Variants in CELF2 observed in about 807,000 individuals in gnomAD.
CELF2 encodes the protein CUGBP Elav-like family member 2.
A neutral mutation model predicts 62.6 loss-of-function variants in CELF2; 8 were observed. The observed-to-expected ratio is 0.13, with a 90% CI of 0.07 to 0.23. CELF2 has a LOEUF of 0.23. CELF2 is among the 10% of genes least tolerant of loss of function. The pLI, the probability that CELF2 is intolerant of heterozygous loss-of-function variation, is 1.00. For synonymous variants in CELF2, 258 were observed against 250.0 expected (o/e 1.03, Z -0.30); for missense variants, 333 against 671.0 (o/e 0.50, Z 5.56).
At chr10:10,604,081 G>A in the CELF2 span, among the ~76,000 whole-genome samples, 39 of 152,128 alleles carry the variant, frequency 2.6e-4, no homozygotes, top group Non-Finnish European at 2.6e-4. Context: ...ATAGTGGTGG[G>A]TGCCTGTAGT....
At chr10:10,796,377 G>C (rs1312725430), upstream of CELF2, among the ~76,000 whole-genome samples, 1 of 152,102 alleles carries the variant, frequency 6.6e-6, no homozygotes, top group Non-Finnish European at 1.5e-5. Flanking sequence ...ACTTGGGCTT[G>C]GTACAAGATT....
chr10:11,087,738 G>A (rs1011285624), intron 1 of CELF2, among the ~76,000 whole-genome samples: 7 of 152,110 alleles, frequency 4.6e-5, no homozygotes, highest in African/African-American at 7.2e-5. Context: ...CCCACCCTGC[G>A]TTGCTGGATA....
the CELF2 span, among the ~76,000 whole-genome samples, chr10:10,746,401 C>T: frequency 6.6e-6 from 1 of 152,224 alleles, no homozygotes; most frequent in African/African-American, 2.4e-5. Flanking sequence ...TGCTGTCAGC[C>T]TCTTGGAGAG....
intron 2 of CELF2, among the ~76,000 whole-genome samples, chr10:10,991,430 G>A (rs1387388283): frequency 6.6e-6 from 1 of 152,120 alleles, no homozygotes; most frequent in Non-Finnish European, 1.5e-5. Flanking sequence ...AGACAAATGG[G>A]CTGCAGAGAC....
intron 1 of CELF2, among the ~76,000 whole-genome samples, chr10:10,862,565 G>A (rs766217620): frequency 1.3e-5 from 2 of 152,206 alleles, no homozygotes; most frequent in Admixed American, 6.5e-5. Context: ...TTTTGAGCCA[G>A]CCTCAGAAGT....
rs1484603532 is a variant in CELF2, at chr10:11,214,395, G to T, written c.272-3030G>T. Among the ~76,000 whole-genome samples the T allele has an allele frequency of 6.6e-6, 1 of 152,204 alleles. No homozygotes were observed. Among genetic ancestry groups the T allele is most frequent in the Non-Finnish European group, 1.5e-5 (1 of 68,030 alleles). On this transcript the variant is annotated intron_variant, in intron 2 of 12. Transcript: ENST00000633077. This position sits in a 1 kb window ranked among gnomAD's most constrained non-coding sequence, Gnocchi z 4.2. ...TGTGAAAAACCAAAAGAAGCCTCTG[G>T]GGTTAGTATTCCCAGTCTCCTTGTC... is the stretch of plus-strand genomic sequence containing the variant.
intron 1 of CELF2, among the ~76,000 whole-genome samples, chr10:11,072,035 A>T (rs1276394729): frequency 2.0e-5 from 3 of 152,164 alleles, no homozygotes; most frequent in African/African-American, 7.2e-5. Context: ...CTTTTGGGTT[A>T]TGTCCTTAGG....
chr10:11,265,990 C>G (rs973659318), intron 5 of CELF2, among the ~76,000 whole-genome samples: 1 of 152,032 alleles, frequency 6.6e-6, no homozygotes, highest in African/African-American at 2.4e-5. Context: ...TTAAAAATTG[C>G]TAAATAGTTT....
intron 5 of CELF2, among the ~76,000 whole-genome samples, chr10:11,266,266 A>C (rs2082168296): frequency 6.6e-6 from 1 of 152,206 alleles, no homozygotes; most frequent in Non-Finnish European, 1.5e-5. Flanking sequence ...GAAAATAGCA[A>C]CTTTTTATTT....
intron 1 of CELF2, among the ~76,000 whole-genome samples, chr10:11,019,042 CTAAGG>C (rs1267669152): frequency 1.3e-5 from 2 of 152,094 alleles, no homozygotes; most frequent in Non-Finnish European, 2.9e-5. Context: ...TGTCGTCAAA[CTAAGG>C]TAGAGCGTTT....
At chr10:10,826,089 A>C (rs1421022913) in intron 1 of CELF2, among the ~76,000 whole-genome samples, 2 of 152,190 alleles carry the variant, frequency 1.3e-5, no homozygotes, top group Non-Finnish European at 2.9e-5. Context: ...TCAAACCATA[A>C]GAGGGTTGAT....
rs1289940163 is a variant in CELF2, at chr10:11,178,316, G to T, written c.271+12634G>T. Among the ~76,000 whole-genome samples, 1 of 152,196 alleles carries T rather than the reference G, an allele frequency of 6.6e-6. No individual in the cohort carries two copies. Among genetic ancestry groups the T allele is most frequent in the East Asian group, 1.9e-4 (1 of 5,190 alleles). ...GGCCACCATACAGCTGCCAGGTGGC[G>T]CTGGCTCTTAGCTGTTCTGCAAGTC... On this transcript the variant is annotated intron_variant, in intron 2 of 12. Coordinates refer to ENST00000633077, the MANE Select transcript of CELF2 (RefSeq NM_001326342.2). The surrounding 1 kb of genome is among the most constrained non-coding windows in gnomAD (Gnocchi z 4.3).
chr10:10,475,056 T>C, the CELF2 span, among the ~76,000 whole-genome samples: 1 of 152,010 alleles, frequency 6.6e-6, no homozygotes, highest in African/African-American at 2.4e-5. Flanking sequence ...TCCAAAGGAG[T>C]ATTCCAAGGA....
chr10:11,230,215 G>C (rs1202728956), intron 3 of CELF2, among the ~76,000 whole-genome samples: 1 of 152,244 alleles, frequency 6.6e-6, no homozygotes, highest in African/African-American at 2.4e-5. Context: ...CATGTGAGGT[G>C]ACAGATACGT....
chr10:10,800,208 T>G (rs2054523575), intron 1 of CELF2, among the ~76,000 whole-genome samples: 1 of 152,244 alleles, frequency 6.6e-6, no homozygotes, highest in Admixed American at 6.5e-5. Flanking sequence ...TTCTAGAACT[T>G]TCCACGGATG....
At chr10:10,823,034 T>C (rs142019844) in intron 1 of CELF2, among the ~76,000 whole-genome samples, 2 of 152,350 alleles carry the variant, frequency 1.3e-5, no homozygotes, top group East Asian at 1.9e-4. Context: ...TTTAGATATA[T>C]GTGGGTTATT....
chr10:11,155,715 A>G (rs1411065916), intron 1 of CELF2, among the ~76,000 whole-genome samples: 1 of 152,246 alleles, frequency 6.6e-6, no homozygotes, highest in Non-Finnish European at 1.5e-5. Context: ...AACTACCGTC[A>G]TTAATATGAC....
At chr10:10,665,858 T>G in the CELF2 span, among the ~76,000 whole-genome samples, 1 of 152,162 alleles carries the variant, frequency 6.6e-6, no homozygotes, top group African/African-American at 2.4e-5. Context: ...TAAGGAAATA[T>G]TCTACAAAAA....
the CELF2 span, among the ~76,000 whole-genome samples, chr10:10,756,418 A>T: frequency 1.3e-5 from 2 of 152,312 alleles, no homozygotes; most frequent in Non-Finnish European, 2.9e-5. Flanking sequence ...TTTTACCTGA[A>T]AATAAAACAC....
Sources: gnomAD v4.1 joint callset for allele counts (sites outside exome capture counted in the v4.1 genomes callset) on GRCh38, gnomAD v4.1.1 for gene constraint, Gnocchi (gnomAD v3.1) non-coding constraint, MANE v1.5 for transcripts, NCBI Gene and HGNC (gene_info 2026-07-23, HGNC 2026-07-21) for gene names.